HIPK2: variants seen among roughly 807,000 people sequenced by gnomAD.
HIPK2 encodes homeodomain-interacting protein kinase 2.
HIPK2 carries 27 observed loss-of-function variants against 113.7 expected under a neutral mutation model. The ratio of observed to expected loss-of-function variants is 0.24; its 90% confidence interval spans 0.17 to 0.33. HIPK2 has a LOEUF of 0.33. HIPK2 is among the 10% of genes least tolerant of loss of function. The pLI, the probability that HIPK2 is intolerant of heterozygous loss-of-function variation, is 1.00. For synonymous variants in HIPK2, 631 were observed against 642.2 expected (o/e 0.98, Z 0.26); for missense variants, 1,257 against 1,588.0 (o/e 0.79, Z 3.54).
At position 139,613,073 on chromosome 7, in the gene HIPK2, G is replaced by T; in HGVS notation, c.2112+129C>A. 9.0e-7 allele frequency: 1 copy of T among 1,115,430 alleles called. No homozygotes were observed. Among genetic ancestry groups the T allele is most frequent in the Non-Finnish European group, 1.3e-6 (1 of 793,384 alleles). The allele number at this position is 1,115,430 out of a possible 1,614,324, so 69.1% of individuals were successfully genotyped here. ...CTTGGGGACCATTTAGAATATTACA[G>T]ATACATTCCAATGACTAGAAGCACC... On this transcript the variant is annotated intron_variant, in intron 9 of 14. Coordinates refer to ENST00000406875, the MANE Select transcript of HIPK2 (RefSeq NM_022740.5). The surrounding 1 kb of genome is among the most constrained non-coding windows in gnomAD (Gnocchi z 4.2).
At chr7:139,668,829 T>A (rs1000383227) in intron 2 of HIPK2, among the ~76,000 whole-genome samples, 5 of 152,246 alleles carry the variant, frequency 3.3e-5, no homozygotes, top group Non-Finnish European at 7.3e-5. Flanking sequence ...AAATCCAGCT[T>A]TGAATCCAAA....
chr7:139,688,276 C>T (rs923154886), intron 2 of HIPK2, among the ~76,000 whole-genome samples: 2 of 152,236 alleles, frequency 1.3e-5, no homozygotes, highest in Admixed American at 1.3e-4. Context: ...GGCACTCCCT[C>T]CTCTCATTCT....
intron 1 of HIPK2, among the ~76,000 whole-genome samples, chr7:139,760,489 C>A (rs1307039602): frequency 6.6e-6 from 1 of 152,164 alleles, no homozygotes; most frequent in Non-Finnish European, 1.5e-5. Context: ...ATTTTTAATA[C>A]ATACCCTTAG....
intron 2 of HIPK2, among the ~76,000 whole-genome samples, chr7:139,692,013 C>T (rs62491701): frequency 3.3e-5 from 5 of 152,062 alleles, no homozygotes; most frequent in Admixed American, 1.3e-4. Context: ...ATGATTTCTA[C>T]GCATTCATAT....
intron 2 of HIPK2, among the ~76,000 whole-genome samples, chr7:139,703,981 C>CA (rs1794798841): frequency 8.0e-6 from 1 of 124,862 alleles, no homozygotes; most frequent in Admixed American, 8.5e-5. Context: ...ACACACACAA[C>CA]CACACCCAAC....
At position 139,562,845 on chromosome 7, in the gene HIPK2, T is replaced by C. The variant is rs181609633; in HGVS notation, c.*10082A>G. On this transcript the variant is annotated 3_prime_UTR_variant, in exon 15 of 15. Transcript: ENST00000406875. ...TATACTTCTCCTATCCAATTTGGTT[T>C]GATATATATACACAAACATATATAT... is the stretch of plus-strand genomic sequence containing the variant. 4.6e-5 allele frequency: 7 copies of C among 152,398 alleles called. No individual in the cohort carries two copies. Among genetic ancestry groups the C allele is most frequent in the African/African-American group, 1.7e-4 (7 of 41,588 alleles). 9.4% of individuals were successfully genotyped at this position (152,398 alleles called of 1,614,324 possible). A position where few individuals can be genotyped will look rare whatever the true frequency, so the allele number is the denominator to read the frequency against.
chr7:139,670,751 CTTTCTTTCTTTTTTTT>C (rs1164079499), intron 2 of HIPK2, among the ~76,000 whole-genome samples: 2 of 58,978 alleles, frequency 3.4e-5, no homozygotes, highest in African/African-American at 1.1e-4. Context: ...TTCTTTCTTT[CTTTCTTTCTTTTTTTT>C]TTTTTTTTTT....
chr7:139,646,223 C>T (rs531763364), intron 2 of HIPK2, among the ~76,000 whole-genome samples: 6 of 152,254 alleles, frequency 3.9e-5, no homozygotes, highest in East Asian at 1.9e-4. Flanking sequence ...AAGGCTGGTG[C>T]GGTGGCTCAC....
chr7:139,702,152 C>T (rs972761343), intron 2 of HIPK2, among the ~76,000 whole-genome samples: 33 of 152,178 alleles, frequency 2.2e-4, no homozygotes, highest in East Asian at 5.8e-4. Flanking sequence ...CACGAGACAG[C>T]GGCGGGAGAG....
rs1460164963 is a variant in HIPK2, at chr7:139,572,569, G to C, written c.*358C>G. ...GTTGCTCTCTTCTCCTTTCCAGTTT[G>C]GCGTAGAATGGGTTCTTGAGCTGGG... On this transcript the variant is annotated 3_prime_UTR_variant, in exon 15 of 15. Transcript: ENST00000406875. 2 of 189,036 alleles carry C rather than the reference G, an allele frequency of 1.1e-5. No individual in the cohort carries two copies. Among genetic ancestry groups the C allele is most frequent in the Non-Finnish European group, 2.1e-5 (2 of 93,106 alleles). 11.7% of individuals were successfully genotyped at this position (189,036 alleles called of 1,614,324 possible).
At chr7:139,758,954 T>C (rs1333586120) in intron 1 of HIPK2, among the ~76,000 whole-genome samples, 2 of 151,812 alleles carry the variant, frequency 1.3e-5, no homozygotes, top group East Asian at 1.9e-4. Flanking sequence ...ATAAAAAAAA[T>C]AAATTTGACT....
chr7:139,684,266 G>A (rs1569473884), intron 2 of HIPK2, among the ~76,000 whole-genome samples: 3 of 151,986 alleles, frequency 2.0e-5, no homozygotes, highest in Admixed American at 2.0e-4. Context: ...CCTTCTTCTC[G>A]GGCCTCTCTC....
intron 9 of HIPK2, among the ~76,000 whole-genome samples, chr7:139,608,116 T>A (rs1347015416): frequency 1.3e-5 from 2 of 151,576 alleles, no homozygotes; most frequent in African/African-American, 4.8e-5. Context: ...TGGTGGCACA[T>A]GCCTGTAATC....
At chr7:139,620,270 G>A (rs1226020875) in intron 7 of HIPK2, 131 bp downstream of exon 7, 2 of 1,297,734 alleles carry the variant, frequency 1.5e-6, no homozygotes, top group East Asian at 4.9e-5. Context: ...AACCTTGGAT[G>A]CAAATACTTT....
At position 139,645,036 on chromosome 7, in the gene HIPK2, G is replaced by A. The variant is rs182892364; in HGVS notation, c.1104-13311C>T. Among the ~76,000 whole-genome samples, 40 of 152,328 alleles carry A rather than the reference G, an allele frequency of 2.6e-4. No homozygotes were observed. The East Asian group carries it at 6.2e-3, about 23-fold the overall frequency. On this transcript the variant is annotated intron_variant, in intron 2 of 14. Coordinates refer to ENST00000406875, the MANE Select transcript of HIPK2 (RefSeq NM_022740.5). ...AACATTTAGCTTCGACTGGTTCATG[G>A]TGAGGCCTCAATAAGTGTTTGCTGG...
intron 2 of HIPK2, among the ~76,000 whole-genome samples, chr7:139,701,683 T>C (rs1396524663): frequency 6.6e-6 from 1 of 152,214 alleles, no homozygotes; most frequent in Non-Finnish European, 1.5e-5. Flanking sequence ...AAATATATCA[T>C]TTCTTTGGGG....
intron 2 of HIPK2, among the ~76,000 whole-genome samples, chr7:139,706,929 T>G (rs1794916430): frequency 6.6e-6 from 1 of 152,232 alleles, no homozygotes; most frequent in Admixed American, 6.5e-5. Context: ...GCTTTGCTTT[T>G]CTGCTTCAGA....
At chr7:139,590,203 T>G (rs1054565924) in intron 12 of HIPK2, among the ~76,000 whole-genome samples, 8 of 152,200 alleles carry the variant, frequency 5.3e-5, no homozygotes, top group African/African-American at 1.2e-4. Flanking sequence ...GTGAGAGAGA[T>G]AGCGATAGGG....
chr7:139,735,608 C>T (rs1048279870), intron 1 of HIPK2, among the ~76,000 whole-genome samples: 11 of 152,212 alleles, frequency 7.2e-5, no homozygotes, highest in Admixed American at 6.5e-4. Context: ...GTCAACAGGA[C>T]GAGATGGGCC....
Sources: gnomAD v4.1 joint callset for allele counts (sites outside exome capture counted in the v4.1 genomes callset) on GRCh38, gnomAD v4.1.1 for gene constraint, Gnocchi (gnomAD v3.1) non-coding constraint, MANE v1.5 for transcripts, NCBI Gene and HGNC (gene_info 2026-07-23, HGNC 2026-07-21) for gene names.